Variants in LOC128462377 observed in about 807,000 individuals in gnomAD.
the LOC128462377 span, among the ~76,000 whole-genome samples, chr16:89,336,639 GCAC>G: frequency 3.9e-5 from 6 of 152,134 alleles, no homozygotes; most frequent in Non-Finnish European, 7.3e-5. Context: ...CCACCTGTGG[GCAC>G]CACACCCCCC....
chr16:89,334,220 G>A, the LOC128462377 span, among the ~76,000 whole-genome samples: 2 of 150,650 alleles, frequency 1.3e-5, no homozygotes, highest in African/African-American at 4.9e-5. Flanking sequence ...CAAGCTGCGG[G>A]CTCAGGACAA....
At chr16:89,372,654 G>T in the LOC128462377 span, among the ~76,000 whole-genome samples, 15 of 152,056 alleles carry the variant, frequency 9.9e-5, no homozygotes, top group Non-Finnish European at 2.1e-4. Context: ...AAATTTTTTT[G>T]AAAACATGAA....
the LOC128462377 span, among the ~76,000 whole-genome samples, chr16:89,379,975 C>A: frequency 1.3e-5 from 2 of 152,208 alleles, no homozygotes; most frequent in African/African-American, 4.8e-5. Context: ...ATTTACCAAA[C>A]ACTATTTTCT....
the LOC128462377 span, chr16:89,324,387 G>T: frequency 5.1e-5 from 32 of 626,536 alleles, no homozygotes; most frequent in Non-Finnish European, 8.1e-5. Context: ...TGGGCGCAAA[G>T]TTCTCAGCTT....
At chr16:89,359,850 G>A in the LOC128462377 span, among the ~76,000 whole-genome samples, 1 of 152,086 alleles carries the variant, frequency 6.6e-6, no homozygotes, top group Non-Finnish European at 1.5e-5. Flanking sequence ...AAAACCCTAA[G>A]AACAGAGAGT....
chr16:89,353,646 T>G, the LOC128462377 span, among the ~76,000 whole-genome samples: 8 of 151,984 alleles, frequency 5.3e-5, no homozygotes, highest in African/African-American at 1.9e-4. Flanking sequence ...CTTGCCTAAT[T>G]TCTTTGTATT....
At chr16:89,391,600 G>A in the LOC128462377 span, among the ~76,000 whole-genome samples, 22 of 152,278 alleles carry the variant, frequency 1.4e-4, no homozygotes, top group Admixed American at 6.5e-4. Flanking sequence ...CCTACTAACT[G>A]AGCTTAGAAA....
At chr16:89,416,861 A>G in the LOC128462377 span, among the ~76,000 whole-genome samples, 1 of 152,006 alleles carries the variant, frequency 6.6e-6, no homozygotes, top group African/African-American at 2.4e-5. Context: ...AAAGAGGCAC[A>G]GCTCAGACCC....
chr16:89,326,522 G>T, the LOC128462377 span, among the ~76,000 whole-genome samples: 2 of 152,122 alleles, frequency 1.3e-5, no homozygotes, highest in African/African-American at 4.8e-5. Flanking sequence ...AGGCAGGGGG[G>T]TCATTTGGGC....
chr16:89,322,387 A>G, the LOC128462377 span, among the ~76,000 whole-genome samples: 12 of 152,370 alleles, frequency 7.9e-5, no homozygotes, highest in Non-Finnish European at 1.8e-4. Context: ...ATGTAAGTTA[A>G]TAACTCCACC....
the LOC128462377 span, among the ~76,000 whole-genome samples, chr16:89,333,353 A>ACC: frequency 7.3e-6 from 1 of 136,186 alleles, no homozygotes; most frequent in South Asian, 2.4e-4. Flanking sequence ...TACAGCTGAG[A>ACC]CCCCCCTGGA....
At chr16:89,349,134 T>TAAAAAAGTA in the LOC128462377 span, among the ~76,000 whole-genome samples, 1 of 16,576 alleles carries the variant, frequency 6.0e-5, no homozygotes, top group African/African-American at 2.8e-4. Context: ...TCTCAAAAAG[T>TAAAAAAGTA]AAAAAAAAAA....
the LOC128462377 span, among the ~76,000 whole-genome samples, chr16:89,337,732 G>A: frequency 6.6e-6 from 1 of 152,128 alleles, no homozygotes; most frequent in Non-Finnish European, 1.5e-5. Flanking sequence ...AAGCCACTGT[G>A]CCCGGCCTGG....
chr16:89,349,387 G>C, the LOC128462377 span, among the ~76,000 whole-genome samples: 14 of 152,016 alleles, frequency 9.2e-5, no homozygotes, highest in African/African-American at 3.1e-4. Context: ...GGCTGAGGCA[G>C]GAGAATGGCG....
chr16:89,409,206 T>C, the LOC128462377 span, among the ~76,000 whole-genome samples: 6,253 of 152,270 alleles, frequency 0.041, 216 homozygotes, highest in East Asian at 0.19. Flanking sequence ...ACACACCTGA[T>C]GACAGCTTCC....
At chr16:89,386,552 G>A in the LOC128462377 span, among the ~76,000 whole-genome samples, 2 of 152,344 alleles carry the variant, frequency 1.3e-5, no homozygotes, top group East Asian at 1.9e-4. Flanking sequence ...GCAGTGGCCC[G>A]CAACGACCTT....
the LOC128462377 span, chr16:89,323,443 C>CCA: frequency 2.0e-6 from 1 of 512,574 alleles, no homozygotes; most frequent in African/African-American, 3.1e-5. Context: ...GGGGCTGAGC[C>CCA]GAGGGCAGGG....
At chr16:89,350,644 T>C in the LOC128462377 span, among the ~76,000 whole-genome samples, 2 of 152,174 alleles carry the variant, frequency 1.3e-5, no homozygotes, top group Admixed American at 6.5e-5. Context: ...GGAAATAGGA[T>C]GACATGCTGC....
At chr16:89,343,599 C>T in the LOC128462377 span, 2 of 152,336 alleles carry the variant, frequency 1.3e-5, no homozygotes, top group African/African-American at 2.4e-5. Context: ...GAATTCACCT[C>T]GTTCAGAACC....
Sources: allele counts gnomAD v4.1 joint callset (sites outside exome capture counted in the v4.1 genomes callset), GRCh38; gene constraint gnomAD v4.1.1; transcripts MANE v1.5.